Variants in PKP4 observed in about 807,000 individuals in gnomAD.
The protein encoded by PKP4 is plakophilin-4.
In PKP4, 90 loss-of-function variants were observed where a neutral mutation model predicts 145.1. The observed-to-expected ratio is 0.62, with a 90% CI of 0.52 to 0.74. The LOEUF is 0.74. PKP4 is among the 30% of genes least tolerant of loss of function. The pLI is 0.00. For synonymous variants in PKP4, 563 were observed against 577.2 expected, an observed-to-expected ratio of 0.98 and a Z score of 0.35; for missense variants, 1,340 against 1,482.7, an observed-to-expected ratio of 0.90 and a Z score of 1.58.
At chr2:158,586,902 G>T (rs1417098783) in intron 3 of PKP4, among the ~76,000 whole-genome samples, 2 of 152,196 alleles carry the variant, frequency 1.3e-5, no homozygotes, top group Admixed American at 6.5e-5. Context: ...CCTAGGACAT[G>T]TGACCCCAAG....
At chr2:158,631,141 C>T (rs1208138501) in intron 7 of PKP4, among the ~76,000 whole-genome samples, 2 of 152,090 alleles carry the variant, frequency 1.3e-5, no homozygotes, top group African/African-American at 2.4e-5. Flanking sequence ...GGGGTTTCAC[C>T]GTGTTAGCCA....
intron 13 of PKP4, 102 bp from the exon 14 acceptor site, chr2:158,662,795 T>C (rs1380683755): frequency 1.7e-5 from 14 of 837,704 alleles, no homozygotes; most frequent in Non-Finnish European, 2.3e-5. Context: ...AAAGTAGTTC[T>C]TTCATATTTC....
intron 2 of PKP4, among the ~76,000 whole-genome samples, chr2:158,543,408 A>G (rs537387260): frequency 7.9e-5 from 12 of 152,178 alleles, no homozygotes; most frequent in Non-Finnish European, 1.5e-4. Context: ...CACAAGATCA[A>G]AATTAGGGGA....
At chr2:158,512,946 C>T (rs2041637550) in intron 1 of PKP4, among the ~76,000 whole-genome samples, 1 of 152,192 alleles carries the variant, frequency 6.6e-6, no homozygotes, top group African/African-American at 2.4e-5. Context: ...AGAATCTTGT[C>T]AAAGGTGAAG....
At chr2:158,663,161 A>G in intron 14 of PKP4, 73 bp downstream of exon 14, 1 of 1,515,242 alleles carries the variant, frequency 6.6e-7, no homozygotes, top group East Asian at 2.3e-5. Flanking sequence ...ATTTGGCAAG[A>G]AAATAAATTT....
intron 3 of PKP4, among the ~76,000 whole-genome samples, chr2:158,592,279 A>G (rs1360027344): frequency 1.3e-5 from 2 of 152,078 alleles, no homozygotes; most frequent in Admixed American, 6.6e-5. Flanking sequence ...AAAACATTCT[A>G]GAACCACTTT....
At chr2:158,557,453 A>G (rs2046194535) in intron 2 of PKP4, among the ~76,000 whole-genome samples, 1 of 152,162 alleles carries the variant, frequency 6.6e-6, no homozygotes, top group African/African-American at 2.4e-5. Context: ...ATATACATGC[A>G]AGGTTTCTGG....
intron 1 of PKP4, among the ~76,000 whole-genome samples, chr2:158,484,339 G>A (rs982992162): frequency 5.3e-5 from 8 of 152,188 alleles, no homozygotes; most frequent in Non-Finnish European, 7.3e-5. Flanking sequence ...GAGCCACCGC[G>A]CCCGGCCTGC....
At chr2:158,577,404 T>C in intron 3 of PKP4, 21 bp downstream of exon 3, 1 of 1,449,770 alleles carries the variant, frequency 6.9e-7, no homozygotes, top group Non-Finnish European at 9.7e-7. Context: ...AATGGCTCCA[T>C]CTTTATGCAC....
At chr2:158,678,113 A>AT (rs1399017964) in intron 20 of PKP4, among the ~76,000 whole-genome samples, 1 of 152,022 alleles carries the variant, frequency 6.6e-6, no homozygotes, top group African/African-American at 2.4e-5. Context: ...TTGACCTGAG[A>AT]TTTTGAATCC....
Position 158,680,448 on chromosome 2 carries a change from G to C in PKP4, c.3350G>C (p.Ser1117Thr). The change falls in exon 22 of 22, where the codon AGT becomes ACT. Residue 1117 changes from serine (S) to threonine (T), a missense_variant. Coordinates refer to ENST00000389759, the MANE Select transcript of PKP4 (RefSeq NM_003628.6). ...CAACAGCATCAACAGCTGTATTATA[G>C]TCAAGATGACTCCAACAGAAAGAAC... ...RRLQHQQLYYSQDDSNRKNFD... is the reference protein window; with the variant it reads ...RRLQHQQLYYTQDDSNRKNFD... 1 of 1,612,046 alleles carries C rather than the reference G, an allele frequency of 6.2e-7. No individual in the cohort carries two copies. Among genetic ancestry groups the C allele is most frequent in the South Asian group, 1.1e-5 (1 of 90,592 alleles).
rs748804199 is a variant in PKP4 at position 158,621,002 on chromosome 2, C to T, written c.293C>T (p.Thr98Ile). 1 of 1,613,962 alleles carries T rather than the reference C, an allele frequency of 6.2e-7. No individual in the cohort carries two copies. The highest frequency in any genetic ancestry group is 8.5e-7 in the Non-Finnish European group (1 of 1,179,862). ...TTTCTTGTTACAGACGTGCCAAATA[C>T]TGGTGTAAGCAAACCTAGAGTTTCT... The part of the protein sequence containing the change: ...FPWRSTDVPN[T>I]GVSKPRVSDA... The change falls in exon 5 of 22, where the codon ACT (threonine) becomes ATT (isoleucine). Residue 98 changes from threonine to isoleucine, a missense_variant. Physicochemically the swap from Thr to Ile is moderately conservative, Grantham distance 89. Coordinates refer to ENST00000389759, the MANE Select transcript of PKP4 (RefSeq NM_003628.6).
chr2:158,487,364 C>T (rs1448247906), intron 1 of PKP4, among the ~76,000 whole-genome samples: 4 of 152,148 alleles, frequency 2.6e-5, no homozygotes, highest in Non-Finnish European at 5.9e-5. Flanking sequence ...ATCTTATAAT[C>T]ATTATGTGTG....
chr2:158,503,754 G>A (rs1314623393), intron 1 of PKP4, among the ~76,000 whole-genome samples: 2 of 152,116 alleles, frequency 1.3e-5, no homozygotes, highest in Non-Finnish European at 2.9e-5. Flanking sequence ...AATTCTGAAA[G>A]CACTTTGTTC....
At chr2:158,606,803 A>G (rs1259546074) in intron 4 of PKP4, among the ~76,000 whole-genome samples, 24 of 152,194 alleles carry the variant, frequency 1.6e-4, no homozygotes, top group African/African-American at 4.8e-5. Flanking sequence ...GTAATTGTCA[A>G]TGTTTAAAGC....
intron 1 of PKP4, among the ~76,000 whole-genome samples, chr2:158,530,670 G>T (rs2043454674): frequency 6.6e-6 from 1 of 152,062 alleles, no homozygotes. Context: ...TGTCAGCACA[G>T]TGGTATCCCT....
chr2:158,602,531 C>A (rs1487285522), intron 3 of PKP4, among the ~76,000 whole-genome samples: 1 of 152,138 alleles, frequency 6.6e-6, no homozygotes, highest in Admixed American at 6.5e-5. Flanking sequence ...AATGCACCCT[C>A]TAATAACCAA....
chr2:158,550,195 A>G (rs2045494520), intron 2 of PKP4, among the ~76,000 whole-genome samples: 1 of 111,030 alleles, frequency 9.0e-6, no homozygotes, highest in East Asian at 2.2e-4. Flanking sequence ...ACAGAAGTCT[A>G]TTTGTAATGT....
chr2:158,485,334 G>A (rs140137352), intron 1 of PKP4, among the ~76,000 whole-genome samples: 70 of 152,238 alleles, frequency 4.6e-4, no homozygotes, highest in Non-Finnish European at 8.8e-4. Flanking sequence ...ACGAAAACAC[G>A]GAAACACGTA....
Sources: gnomAD v4.1 joint callset for allele counts (sites outside exome capture counted in the v4.1 genomes callset) on GRCh38, gnomAD v4.1.1 for gene constraint, MANE v1.5 for transcripts, NCBI Gene and HGNC (gene_info 2026-07-23, HGNC 2026-07-21) for gene names.